The following UVRAG variants were observed in gnomAD, a reference collection of about 807,000 sequenced individuals.
UVRAG encodes UV radiation resistance-associated gene protein.
A neutral mutation model predicts 78.0 loss-of-function variants in UVRAG; 19 were observed. The ratio of observed to expected loss-of-function variants is 0.24; its 90% CI spans 0.17 to 0.36. The LOEUF (loss-of-function observed/expected upper bound fraction) is 0.36. Ranked by LOEUF, UVRAG falls within the 10% of genes least tolerant of loss-of-function variation. The pLI, the probability that UVRAG is intolerant of heterozygous loss-of-function variation, is 1.00. For missense variants in UVRAG, 740 were observed against 853.8 expected (o/e 0.87, Z 1.66); for synonymous variants, 323 against 324.6 (o/e 1.00, Z 0.05).
At chr11:75,986,790 C>T (rs1243072357) in intron 8 of UVRAG, among the ~76,000 whole-genome samples, 1 of 149,702 alleles carries the variant, frequency 6.7e-6, no homozygotes, top group African/African-American at 2.5e-5. Context: ...TCTAAGTAAC[C>T]ACCCCCCTAC....
At chr11:75,884,929 G>A (rs1212660369) in intron 4 of UVRAG, among the ~76,000 whole-genome samples, 1 of 151,930 alleles carries the variant, frequency 6.6e-6, no homozygotes, top group African/African-American at 2.4e-5. Flanking sequence ...AAAATCCTGG[G>A]ATTTTGATAG....
At chr11:76,078,752 CAAAAAAAA>C (rs61700855) in intron 13 of UVRAG, among the ~76,000 whole-genome samples, 72 of 37,200 alleles carry the variant, frequency 1.9e-3, no homozygotes, top group African/African-American at 4.0e-3. Context: ...ACTAAAAATA[CAAAAAAAA>C]AAAAAAAAAA....
Position 76,008,824 on chromosome 11 carries a change from C to T in UVRAG, c.1017C>T (p.Tyr339=), listed in dbSNP as rs1949998584. 1 of 1,489,122 alleles carries T rather than the reference C, an allele frequency of 6.7e-7. No individual in the cohort carries two copies. The highest frequency in any genetic ancestry group is 2.5e-5 in the East Asian group (1 of 40,254). The allele number at this position is 1,489,122 out of a possible 1,614,324, so 92.2% of individuals were successfully genotyped here. ...YPIDLNEHKD[Y]FVCGVKLPNS... is the part of the protein sequence containing the mutation. ...ATTCACAGAATGAACATAAGGATTA[C>T]TTTGTATGCGGTGTCAAGTTGCCTA... Residue 339 remains tyrosine (Y), a synonymous_variant, in exon 11 of 15, where the codon TAC becomes TAT. Transcript: ENST00000356136.
intron 7 of UVRAG, among the ~76,000 whole-genome samples, chr11:75,976,374 G>A (rs1949240630): frequency 1.3e-5 from 2 of 152,280 alleles, no homozygotes; most frequent in South Asian, 4.2e-4. Context: ...GGATGATGCT[G>A]GCCTCATAAA....
chr11:75,929,222 G>T (rs186696426), intron 6 of UVRAG, among the ~76,000 whole-genome samples: 37 of 152,284 alleles, frequency 2.4e-4, no homozygotes, highest in Admixed American at 2.2e-3. Context: ...GACAAATTAG[G>T]TGCAGAGTTT....
At chr11:75,896,851 TA>T (rs1947354638) in intron 5 of UVRAG, among the ~76,000 whole-genome samples, 1 of 152,232 alleles carries the variant, frequency 6.6e-6, no homozygotes, top group Non-Finnish European at 1.5e-5. Context: ...GTGCTATTGA[TA>T]AGGTGCAAAA....
intron 5 of UVRAG, among the ~76,000 whole-genome samples, chr11:75,896,785 C>T (rs780836572): frequency 6.6e-6 from 1 of 152,160 alleles, no homozygotes; most frequent in Non-Finnish European, 1.5e-5. Context: ...CCTCCAGCCT[C>T]AACTTTTGGT....
Position 76,005,782 on chromosome 11 carries a change from A to G in UVRAG, c.911+1693A>G, listed in dbSNP as rs192025483. On this transcript the variant is annotated intron_variant, in intron 9 of 14. Transcript: ENST00000356136. ...ACTCCTTGGATTCGATTAATTTGCT[A>G]GAGCAGCTCACAGAACTCAGAGAAA... is the stretch of plus-strand genomic sequence containing the variant. Among the ~76,000 whole-genome samples the G allele has an allele frequency of 2.0e-5, 3 of 152,408 alleles. No individual in the cohort carries two copies. The East Asian group carries it at 5.8e-4, about 29-fold the overall frequency.
At chr11:75,898,058 A>T (rs1382924397) in intron 5 of UVRAG, among the ~76,000 whole-genome samples, 1 of 150,850 alleles carries the variant, frequency 6.6e-6, no homozygotes, top group African/African-American at 2.4e-5. Context: ...TTTAGTAGAG[A>T]TGGGGTTTCA....
chr11:76,073,603 T>C (rs894272023), intron 13 of UVRAG, among the ~76,000 whole-genome samples: 1 of 152,174 alleles, frequency 6.6e-6, no homozygotes, highest in Admixed American at 6.6e-5. Context: ...AAAATATATA[T>C]AACTCAATGA....
chr11:76,129,823 C>G (rs953671683), intron 14 of UVRAG, among the ~76,000 whole-genome samples: 4 of 152,294 alleles, frequency 2.6e-5, no homozygotes, highest in Admixed American at 6.5e-5. Context: ...CCCCTCCATT[C>G]TGCTCTCCCA....
At chr11:76,084,963 C>G (rs537395376) in intron 13 of UVRAG, among the ~76,000 whole-genome samples, 1 of 148,350 alleles carries the variant, frequency 6.7e-6, no homozygotes, top group Non-Finnish European at 1.5e-5. Flanking sequence ...ACTCAAGAGG[C>G]TGAGGCGTGA....
chr11:76,112,110 A>G (rs753985689), intron 13 of UVRAG, among the ~76,000 whole-genome samples: 28 of 152,172 alleles, frequency 1.8e-4, no homozygotes, highest in Non-Finnish European at 3.4e-4. Flanking sequence ...ACTGAAAATG[A>G]TGAATGAAAG....
At chr11:75,941,049 G>A (rs1014079546) in intron 6 of UVRAG, among the ~76,000 whole-genome samples, 3 of 151,992 alleles carry the variant, frequency 2.0e-5, no homozygotes, top group South Asian at 4.1e-4. Context: ...AAAAAATGAG[G>A]CAGTTTTGCC....
intron 7 of UVRAG, among the ~76,000 whole-genome samples, chr11:75,965,014 T>A (rs1041233612): frequency 2.0e-5 from 3 of 152,232 alleles, no homozygotes; most frequent in Admixed American, 6.5e-5. Context: ...AGATTTGTCA[T>A]CTTAAAATTT....
intron 1 of UVRAG, among the ~76,000 whole-genome samples, chr11:75,836,029 A>T (rs1945768631): frequency 6.6e-6 from 1 of 151,972 alleles, no homozygotes; most frequent in Non-Finnish European, 1.5e-5. Flanking sequence ...TGAACCCGGG[A>T]GGCGGAGGTT....
At chr11:76,093,116 T>C (rs1475981743) in intron 13 of UVRAG, among the ~76,000 whole-genome samples, 2 of 152,238 alleles carry the variant, frequency 1.3e-5, no homozygotes, top group Non-Finnish European at 2.9e-5. Flanking sequence ...TTCTTGTTTT[T>C]GTCAGGTTTG....
chr11:76,032,308 C>T (rs1298448541), intron 12 of UVRAG, among the ~76,000 whole-genome samples: 2 of 152,032 alleles, frequency 1.3e-5, no homozygotes, highest in East Asian at 3.9e-4. Context: ...ATTTTTATAC[C>T]TCTCTTTTGG....
At chr11:75,918,431 G>C (rs1947907722) in intron 6 of UVRAG, among the ~76,000 whole-genome samples, 1 of 151,434 alleles carries the variant, frequency 6.6e-6, no homozygotes, top group African/African-American at 2.4e-5. Flanking sequence ...GGCTTAGAAA[G>C]CTTTGATATA....
Sources: allele counts gnomAD v4.1 joint callset (sites outside exome capture counted in the v4.1 genomes callset), GRCh38; gene constraint gnomAD v4.1.1; transcripts MANE v1.5; gene names NCBI Gene and HGNC (gene_info 2026-07-23, HGNC 2026-07-21).